TCF20: variants seen among roughly 807,000 people sequenced by gnomAD.
The protein encoded by TCF20 is SPRE-binding protein.
Under a neutral mutation model 148.6 loss-of-function variants are expected in TCF20, and 3 were observed. The observed-to-expected ratio is 0.02, with a 90% CI of 0.01 to 0.05. The LOEUF is 0.05. Ranked by LOEUF, TCF20 falls within the 10% of genes least tolerant of loss-of-function variation. The pLI is 1.00. For synonymous variants in TCF20, 1,049 were observed against 909.5 expected, an observed-to-expected ratio of 1.15 and a Z score of -2.76; for missense variants, 2,350 against 2,429.3, an observed-to-expected ratio of 0.97 and a Z score of 0.69.
At chr22:42,222,888 C>T (rs971480845) in intron 1 of TCF20, among the ~76,000 whole-genome samples, 1 of 152,212 alleles carries the variant, frequency 6.6e-6, no homozygotes, top group Non-Finnish European at 1.5e-5. Context: ...CACAGTGGCT[C>T]ACACCTGTAA....
intron 3 of TCF20, among the ~76,000 whole-genome samples, chr22:42,171,807 CAG>C (rs1569101606): frequency 6.6e-6 from 1 of 152,140 alleles, no homozygotes; most frequent in Admixed American, 6.5e-5. Flanking sequence ...CAAACAGAAA[CAG>C]TACAGCACAC....
chr22:42,263,632 A>G (rs1413769297), intron 1 of TCF20, among the ~76,000 whole-genome samples: 1 of 152,216 alleles, frequency 6.6e-6, no homozygotes, highest in Non-Finnish European at 1.5e-5. Context: ...GGACCAAGGC[A>G]TAATTAGGAT....
At chr22:42,318,473 T>G (rs1158357442) in intron 1 of TCF20, among the ~76,000 whole-genome samples, 1 of 152,052 alleles carries the variant, frequency 6.6e-6, no homozygotes, top group African/African-American at 2.4e-5. Context: ...GGTAAATTCA[T>G]TTTGGAAGAA....
chr22:42,187,123 C>T (rs553959552), intron 2 of TCF20, among the ~76,000 whole-genome samples: 9 of 152,282 alleles, frequency 5.9e-5, no homozygotes, highest in Non-Finnish European at 1.0e-4. Context: ...CTAGAATAAT[C>T]TGCTGTGGCT....
chr22:42,164,966 T>C (rs114454204), intron 5 of TCF20, among the ~76,000 whole-genome samples: 3,894 of 152,202 alleles, frequency 0.026, 161 homozygotes, highest in African/African-American at 0.088. Flanking sequence ...CAAGGTGAGA[T>C]GTCTGGGCTT....
chr22:42,340,183 A>G (rs1928139884), intron 1 of TCF20, among the ~76,000 whole-genome samples: 1 of 152,286 alleles, frequency 6.6e-6, no homozygotes, highest in African/African-American at 2.4e-5. Flanking sequence ...ACGCCTTTCA[A>G]GGGGCCCAGC....
chr22:42,165,276 C>A (rs978020124), intron 5 of TCF20, among the ~76,000 whole-genome samples: 64 of 152,370 alleles, frequency 4.2e-4, no homozygotes, highest in African/African-American at 1.4e-3. Context: ...GGCCACGCCC[C>A]GTTCCCTGCC....
chr22:42,292,777 C>T lies in TCF20; in HGVS notation c.-37+50702G>A, dbSNP rs757393430. ...TCTCTGCTCCCAGCCAGCCCCTCTG[C>T]GCCTCCAGGGCCGGCCGAGCACTAG... On this transcript the variant is annotated intron_variant, in intron 1 of 1. Transcript: ENST00000515426. This position sits in a 1 kb window ranked among gnomAD's most constrained non-coding sequence, Gnocchi z 4.9. Among the ~76,000 whole-genome samples the T allele has an allele frequency of 4.7e-4, 72 of 151,906 alleles. 1 individual carries two copies. Among genetic ancestry groups the T allele is most frequent in the Admixed American group, 1.5e-3 (23 of 15,258 alleles).
intron 2 of TCF20, among the ~76,000 whole-genome samples, chr22:42,199,100 T>C (rs910045906): frequency 6.6e-6 from 1 of 152,190 alleles, no homozygotes; most frequent in African/African-American, 2.4e-5. Flanking sequence ...GAGTCAGATA[T>C]GTTGGGTTAT....
chr22:42,312,109 T>A (rs1187463548), intron 1 of TCF20, among the ~76,000 whole-genome samples: 1 of 152,182 alleles, frequency 6.6e-6, no homozygotes. Flanking sequence ...TGATAGGGTA[T>A]GTACTATATG....
upstream of TCF20, among the ~76,000 whole-genome samples, chr22:42,273,331 G>T (rs1388240820): frequency 7.7e-6 from 1 of 130,026 alleles, no homozygotes; most frequent in East Asian, 2.3e-4. Flanking sequence ...TTGCACTCCA[G>T]CCTGGGCGAC....
rs891824296 is a variant in TCF20 at position 42,292,160 on chromosome 22, C to G, written c.-37+51319G>C. On this transcript the variant is annotated intron_variant, in intron 1 of 1. Transcript: ENST00000515426. The surrounding 1 kb of genome is among the most constrained non-coding windows in gnomAD (Gnocchi z 4.9). ...AGCACCCATAGGCCCTCCTGTCATG[C>G]TGGGCTCTCTGCCCATAGTCTCACA... Among the ~76,000 whole-genome samples the G allele has an allele frequency of 2.6e-5, 4 of 152,230 alleles. No individual in the cohort carries two copies. The highest frequency in any genetic ancestry group is 9.6e-5 in the African/African-American group (4 of 41,454).
intron 1 of TCF20, among the ~76,000 whole-genome samples, chr22:42,268,331 A>G (rs1232654850): frequency 6.6e-6 from 1 of 152,206 alleles, no homozygotes; most frequent in African/African-American, 2.4e-5. Context: ...AGCACAGCCT[A>G]AGGCCTTCAC....
At chr22:42,275,482 C>T (rs1366123594), upstream of TCF20, among the ~76,000 whole-genome samples, 1 of 152,214 alleles carries the variant, frequency 6.6e-6, no homozygotes, top group Non-Finnish European at 1.5e-5. Context: ...GGACTCTCAT[C>T]GGGCCAGTCA....
Position 42,252,235 on chromosome 22 carries a change from C to T in TCF20, c.-37+18104G>A, listed in dbSNP as rs571745213. 9.4e-5 allele frequency among the ~76,000 whole-genome samples: 14 copies of T among 149,458 alleles called. No homozygotes were observed. In the South Asian group the frequency reaches 1.3e-3, roughly 14 times the overall value. ...CCAAGAGACAGAGGTTGCAGTGAGC[C>T]GAGCACCACTGCACTCCAGCCTGGG... On this transcript the variant is annotated intron_variant, in intron 1 of 5. Transcript: ENST00000677622.
chr22:42,173,252 A>AAC (rs1386236340), intron 3 of TCF20, among the ~76,000 whole-genome samples: 2 of 151,976 alleles, frequency 1.3e-5, no homozygotes, highest in African/African-American at 4.8e-5. Context: ...TTAAAAAAAA[A>AAC]AAAAAACAGA....
intron 1 of TCF20, among the ~76,000 whole-genome samples, chr22:42,268,156 T>TAAATA (rs10649596): frequency 0.21 from 31,163 of 151,546 alleles, 3,392 homozygotes; most frequent in East Asian, 0.34. Flanking sequence ...AATAAATAAG[T>TAAATA]AAATAAAAGG....
chr22:42,320,100 G>A (rs1927704648), intron 1 of TCF20, among the ~76,000 whole-genome samples: 1 of 152,020 alleles, frequency 6.6e-6, no homozygotes, highest in Non-Finnish European at 1.5e-5. Context: ...TCACTTTTGA[G>A]ACTGGCCCCC....
chr22:42,224,758 T>C (rs989364570), intron 1 of TCF20, among the ~76,000 whole-genome samples: 3 of 152,034 alleles, frequency 2.0e-5, no homozygotes, highest in Admixed American at 6.6e-5. Context: ...TTTTAAACAA[T>C]TGCAAAGACT....
Sources: gnomAD v4.1 joint callset for allele counts (sites outside exome capture counted in the v4.1 genomes callset) on GRCh38, gnomAD v4.1.1 for gene constraint, Gnocchi (gnomAD v3.1) non-coding constraint, MANE v1.5 for transcripts, NCBI Gene and HGNC (gene_info 2026-07-23, HGNC 2026-07-21) for gene names.